FBXW11: variants seen among roughly 807,000 people sequenced by gnomAD.
The protein encoded by FBXW11 is F-box/WD repeat-containing protein 11.
FBXW11 carries 19 observed loss-of-function variants against 77.6 expected under a neutral mutation model. That is an observed-to-expected ratio of 0.24 (90% CI 0.17 to 0.36). FBXW11 has a LOEUF of 0.36. Ranked by LOEUF, FBXW11 falls within the 10% of genes least tolerant of loss-of-function variation. The pLI, the probability that FBXW11 is intolerant of heterozygous loss-of-function variation, is 1.00. For synonymous variants in FBXW11, 235 were observed against 249.4 expected, an observed-to-expected ratio of 0.94 and a Z score of 0.54; for missense variants, 334 against 704.2, an observed-to-expected ratio of 0.47 and a Z score of 5.95.
At chr5:171,998,759 T>C (rs1766225909) in intron 1 of FBXW11, among the ~76,000 whole-genome samples, 1 of 145,212 alleles carries the variant, frequency 6.9e-6, no homozygotes, top group Non-Finnish European at 1.5e-5. Flanking sequence ...ATCGTGCCAC[T>C]GTACTCCAGC....
chr5:171,898,968 CAAAG>C (rs777876304), intron 6 of FBXW11, 32 bp downstream of exon 6: 13 of 1,346,736 alleles, frequency 9.7e-6, no homozygotes, highest in Admixed American at 2.3e-5. Flanking sequence ...GAACAAGAAA[CAAAG>C]AGCCCATAAA....
rs1757228710 is a variant in FBXW11, at chr5:171,863,930, CCTT to C, written c.*194_*196del. 6.6e-6 allele frequency: 1 copy of C among 152,192 alleles called. No individual in the cohort carries two copies. Among genetic ancestry groups the C allele is most frequent in the African/African-American group, 2.4e-5 (1 of 41,418 alleles). The allele number at this position is 152,192 out of a possible 1,614,324, so 9.4% of individuals were successfully genotyped here. The stretch of plus-strand genomic sequence containing the variant: ...CTTGAAGCCGGGGAAGCTAAGGTCT[CCTT>C]CTCAAAGGAGAGCCGGAATCAGAGG... On this transcript the variant is annotated 3_prime_UTR_variant, in exon 14 of 14. Transcript: ENST00000517395.
At chr5:171,880,850 CA>C (rs1758452534) in intron 7 of FBXW11, among the ~76,000 whole-genome samples, 1 of 152,136 alleles carries the variant, frequency 6.6e-6, no homozygotes, top group African/African-American at 2.4e-5. Flanking sequence ...CGCCCACCAC[CA>C]CACCCGGCTA....
intron 2 of FBXW11, among the ~76,000 whole-genome samples, chr5:171,936,082 G>A (rs1054039965): frequency 7.2e-6 from 1 of 138,428 alleles, no homozygotes; most frequent in African/African-American, 2.8e-5. Context: ...CTGCACTCTA[G>A]CCTGGGCAGC....
chr5:171,934,914 G>GGAATGAC (rs1340030762), intron 2 of FBXW11, among the ~76,000 whole-genome samples: 18 of 152,084 alleles, frequency 1.2e-4, no homozygotes, highest in African/African-American at 3.9e-4. Context: ...ATGGGTGAGG[G>GGAATGAC]ATATAGGGAA....
intron 2 of FBXW11, among the ~76,000 whole-genome samples, chr5:171,942,001 G>A (rs1211731740): frequency 6.6e-6 from 1 of 151,102 alleles, no homozygotes; most frequent in Non-Finnish European, 1.5e-5. Flanking sequence ...AATAATTAAT[G>A]TAAACAAGCC....
At chr5:171,930,761 AT>A (rs1204230507) in intron 2 of FBXW11, among the ~76,000 whole-genome samples, 7 of 68,888 alleles carry the variant, frequency 1.0e-4, no homozygotes, top group African/African-American at 2.0e-4. Context: ...AAATAAAAAA[AT>A]AAAAAAAAAA....
At chr5:171,915,650 T>TGTGTGTGTGTGA (rs982596459) in intron 2 of FBXW11, among the ~76,000 whole-genome samples, 7 of 151,324 alleles carry the variant, frequency 4.6e-5, no homozygotes, top group Admixed American at 1.3e-4. Context: ...TGTGTGTGTG[T>TGTGTGTGTGTGA]GAGCCTGAGC....
chr5:171,957,262 G>A (rs1015546971), intron 2 of FBXW11, among the ~76,000 whole-genome samples: 1 of 152,118 alleles, frequency 6.6e-6, no homozygotes, highest in Non-Finnish European at 1.5e-5. Flanking sequence ...ACTCAACAAA[G>A]AACTGTTAAA....
intron 8 of FBXW11, among the ~76,000 whole-genome samples, chr5:171,877,500 C>T (rs1758168907): frequency 6.6e-6 from 1 of 152,138 alleles, no homozygotes; most frequent in Admixed American, 6.5e-5. Context: ...CACATCACGG[C>T]TTTTCTGTAA....
chr5:171,884,997 T>C (rs1468158603), intron 7 of FBXW11, among the ~76,000 whole-genome samples: 1 of 152,164 alleles, frequency 6.6e-6, no homozygotes, highest in African/African-American at 2.4e-5. Context: ...TCTGAGTCTT[T>C]TAGTGAGCCT....
chr5:171,997,091 C>T, intron 1 of FBXW11: 1 of 1,286,894 alleles, frequency 7.8e-7, no homozygotes, highest in Non-Finnish European at 1.0e-6. Context: ...CCCACCATGG[C>T]ACCAGCGGCA....
At chr5:171,892,108 A>T (rs1490286311) in intron 6 of FBXW11, among the ~76,000 whole-genome samples, 1 of 152,222 alleles carries the variant, frequency 6.6e-6, no homozygotes, top group Admixed American at 6.5e-5. Flanking sequence ...TAGAGTAAAA[A>T]TGGTACATTT....
At chr5:171,908,006 C>T (rs575703853) in intron 4 of FBXW11, among the ~76,000 whole-genome samples, 18 of 152,188 alleles carry the variant, frequency 1.2e-4, no homozygotes, top group African/African-American at 2.9e-4. Context: ...AAAACCAAAA[C>T]GGTGGAAAAC....
intron 2 of FBXW11, among the ~76,000 whole-genome samples, chr5:171,935,050 T>C (rs1346342735): frequency 6.6e-6 from 1 of 152,074 alleles, no homozygotes; most frequent in Non-Finnish European, 1.5e-5. Flanking sequence ...GCCTCCTGGG[T>C]TCATGCTATT....
At chr5:171,917,013 C>T (rs1246646470) in intron 2 of FBXW11, among the ~76,000 whole-genome samples, 2 of 152,102 alleles carry the variant, frequency 1.3e-5, no homozygotes, top group South Asian at 2.1e-4. Context: ...TTCCACCTCC[C>T]GGCTTCAAGC....
chr5:171,914,205 G>T (rs564619674), intron 3 of FBXW11, 138 bp downstream of exon 3: 3 of 672,992 alleles, frequency 4.5e-6, no homozygotes, highest in Non-Finnish European at 7.5e-6. Flanking sequence ...GATAAATTAG[G>T]GTGGATTCTG....
At chr5:171,888,619 T>C (rs1759079404) in intron 7 of FBXW11, among the ~76,000 whole-genome samples, 1 of 152,216 alleles carries the variant, frequency 6.6e-6, no homozygotes, top group South Asian at 2.1e-4. Flanking sequence ...GGACCCACAG[T>C]CTTTACAACA....
rs538959837 is a variant in FBXW11 at position 171,933,965 on chromosome 5, C to T, written c.148-19560G>A. On this transcript the variant is annotated intron_variant, in intron 2 of 13. Transcript: ENST00000517395. ...AGAACTAAACAACATCCCAAACAAGCCTTTCTTAACTAAGGTTCTGTGAGA... is the reference window on the plus strand; with the variant it reads ...AGAACTAAACAACATCCCAAACAAGTCTTTCTTAACTAAGGTTCTGTGAGA... Among the ~76,000 whole-genome samples, 17 of 152,294 alleles carry T rather than the reference C, an allele frequency of 1.1e-4. No individual in the cohort carries two copies. In the East Asian group the frequency reaches 3.1e-3, roughly 28 times the overall value.
Sources: gnomAD v4.1 joint callset for allele counts (sites outside exome capture counted in the v4.1 genomes callset) on GRCh38, gnomAD v4.1.1 for gene constraint, MANE v1.5 for transcripts, NCBI Gene and HGNC (gene_info 2026-07-23, HGNC 2026-07-21) for gene names.